The following EXOC2 variants were observed in gnomAD, a reference collection of about 807,000 sequenced individuals.
EXOC2 encodes the protein SEC5-like 1.
EXOC2 carries 70 observed loss-of-function variants against 131.8 expected under a neutral mutation model. The observed-to-expected ratio is 0.53, with a 90% CI of 0.44 to 0.65. The LOEUF (loss-of-function observed/expected upper bound fraction) is 0.65, where lower values mean the gene tolerates loss of function less well. EXOC2 is among the 30% of genes least tolerant of loss of function. EXOC2 has a pLI of 0.00. For synonymous variants in EXOC2, 411 were observed against 398.4 expected, an observed-to-expected ratio of 1.03 and a Z score of -0.38; for missense variants, 923 against 1,108.6, an observed-to-expected ratio of 0.83 and a Z score of 2.38.
intron 1 of EXOC2, chr6:656,043 T>A: frequency 1.6e-6 from 2 of 1,220,368 alleles, no homozygotes; most frequent in South Asian, 1.4e-5. Context: ...CCCAATTAAC[T>A]CAGGGTCTGT....
In EXOC2 at chr6:677,081, A is replaced by G. The variant is rs9504726; in HGVS notation, c.-44+15938T>C. Among the ~76,000 whole-genome samples, 155 of 57,690 alleles carry G rather than the reference A, an allele frequency of 2.7e-3. 21 individuals carry two copies. Among genetic ancestry groups the G allele is most frequent in the East Asian group, 0.012 (1 of 84 alleles). 37.8% of individuals were successfully genotyped at this position (57,690 alleles called of 152,430 possible). A position where few individuals can be genotyped will look rare whatever the true frequency, so the allele number is the denominator to read the frequency against. On this transcript the variant is annotated intron_variant, in intron 1 of 27. Transcript: ENST00000230449. ...ACTCTGCGGTTCCCCATACTCTTCA[A>G]CATTACGGAAAGGACAGCTTTCTCT... is the stretch of plus-strand genomic sequence containing the variant.
intron 12 of EXOC2, among the ~76,000 whole-genome samples, chr6:573,860 C>G (rs1393587521): frequency 6.6e-6 from 1 of 152,306 alleles, no homozygotes; most frequent in Middle Eastern, 3.4e-3. Flanking sequence ...ACCACTGTCA[C>G]TAGTTATTGT....
chr6:530,103 C>T (rs1765991128), intron 23 of EXOC2, among the ~76,000 whole-genome samples: 1 of 152,208 alleles, frequency 6.6e-6, no homozygotes, highest in South Asian at 2.1e-4. Context: ...AATGAGCACT[C>T]TCACTCATTC....
At chr6:584,244 C>A (rs988873457) in intron 11 of EXOC2, among the ~76,000 whole-genome samples, 1 of 152,090 alleles carries the variant, frequency 6.6e-6, no homozygotes, top group Admixed American at 6.5e-5. Flanking sequence ...GGAAGTCTAC[C>A]TGACCCTGCA....
intron 27 of EXOC2, 28 bp downstream of exon 27, chr6:488,951 G>T (rs1763259004): frequency 3.7e-6 from 6 of 1,602,176 alleles, no homozygotes; most frequent in Non-Finnish European, 5.1e-6. Flanking sequence ...CATTCAACTG[G>T]CTCCTAAGAA....
intron 4 of EXOC2, among the ~76,000 whole-genome samples, chr6:622,449 G>A (rs1420823938): frequency 1.3e-5 from 2 of 152,218 alleles, no homozygotes; most frequent in Non-Finnish European, 2.9e-5. Flanking sequence ...GTGCTGCGCT[G>A]TGCCTCGGTG....
chr6:677,506 T>C (rs1429582174), intron 1 of EXOC2, among the ~76,000 whole-genome samples: 1 of 152,216 alleles, frequency 6.6e-6, no homozygotes, highest in African/African-American at 2.4e-5. Context: ...AAGCAAACAT[T>C]GATGACTTAT....
chr6:536,907 T>C (rs1370440222), intron 22 of EXOC2, among the ~76,000 whole-genome samples: 3 of 152,152 alleles, frequency 2.0e-5, no homozygotes, highest in African/African-American at 4.8e-5. Flanking sequence ...TATGTATGCA[T>C]GACAAAGGAC....
chr6:648,236 ATAC>A (rs1367036839), intron 1 of EXOC2, among the ~76,000 whole-genome samples: 19 of 152,238 alleles, frequency 1.2e-4, no homozygotes, highest in Admixed American at 9.8e-4. Flanking sequence ...AGTTAAAAAC[ATAC>A]TACAAGATAG....
chr6:579,439 A>G (rs544851218), intron 11 of EXOC2, among the ~76,000 whole-genome samples: 1 of 152,362 alleles, frequency 6.6e-6, no homozygotes, highest in East Asian at 1.9e-4. Flanking sequence ...TACCAGAAGT[A>G]TAACACAGCA....
intron 21 of EXOC2, among the ~76,000 whole-genome samples, chr6:551,715 A>G (rs991349581): frequency 6.6e-6 from 1 of 152,188 alleles, no homozygotes; most frequent in African/African-American, 2.4e-5. Context: ...CTGTCTCCAC[A>G]GGACTCCCCT....
intron 1 of EXOC2, among the ~76,000 whole-genome samples, chr6:681,431 G>C (rs1447640641): frequency 6.6e-6 from 1 of 152,148 alleles, no homozygotes; most frequent in Non-Finnish European, 1.5e-5. Flanking sequence ...CTAATTTGTA[G>C]GTGCAGATCT....
At chr6:556,036 A>G (rs1231251727) in intron 18 of EXOC2, 23 bp from the exon 19 acceptor site, 1 of 1,610,456 alleles carries the variant, frequency 6.2e-7, no homozygotes, top group Non-Finnish European at 8.5e-7. Flanking sequence ...ATTTTGATGA[A>G]AATTTTTGGA....
chr6:560,687 C>A (rs1408876614), intron 17 of EXOC2, among the ~76,000 whole-genome samples: 2 of 151,884 alleles, frequency 1.3e-5, no homozygotes, highest in Admixed American at 1.3e-4. Flanking sequence ...CGAATAGAAA[C>A]CCAATCGATT....
intron 1 of EXOC2, among the ~76,000 whole-genome samples, chr6:677,710 G>A (rs569059544): frequency 9.9e-5 from 15 of 152,156 alleles, no homozygotes; most frequent in African/African-American, 2.6e-4. Flanking sequence ...CTTGTGATCC[G>A]CTTGCCTCGG....
chr6:517,347 A>G (rs1286975811), intron 23 of EXOC2, among the ~76,000 whole-genome samples: 2 of 152,198 alleles, frequency 1.3e-5, no homozygotes, highest in African/African-American at 4.8e-5. Context: ...TAAATTAAAA[A>G]AAAATCAACT....
chr6:497,418 G>C lies in EXOC2; in HGVS notation c.2508C>G (p.Leu836=). 1 of 1,614,054 alleles carries C rather than the reference G, an allele frequency of 6.2e-7. No individual in the cohort carries two copies. The highest frequency in any genetic ancestry group is 1.3e-5 in the African/African-American group (1 of 75,050). The change falls in exon 25 of 28, where the codon CTC becomes CTG. Residue 836 remains leucine, a synonymous_variant. Coordinates refer to ENST00000230449, the MANE Select transcript of EXOC2 (RefSeq NM_018303.6). ...ATGAAACACACTGCATCAGTCGACT[G>C]AGCTCTTCAGAAACTGCTTCTATCA... is the stretch of plus-strand genomic sequence containing the variant. ...SKVIEAVSEE[L]SRLMQCVSSF... is the part of the protein sequence containing the mutation.
intron 4 of EXOC2, among the ~76,000 whole-genome samples, chr6:620,365 T>C (rs1761222501): frequency 6.6e-6 from 1 of 152,172 alleles, no homozygotes; most frequent in Non-Finnish European, 1.5e-5. Flanking sequence ...ACTCTAGGCA[T>C]GAAACCTGAC....
Position 604,960 on chromosome 6 carries a change from G to A in EXOC2, c.742+5138C>T, listed in dbSNP as rs532222845. Among the ~76,000 whole-genome samples, 4 of 152,004 alleles carry A rather than the reference G, an allele frequency of 2.6e-5. No individual in the cohort carries two copies. In the South Asian group the frequency reaches 8.3e-4, roughly 32 times the overall value. ...TTTGTGGGCTGTAGCCACACCTGAG[G>A]ACTCCCACCAGAGCAGTATTATCAA... On this transcript the variant is annotated intron_variant, in intron 7 of 27. Coordinates refer to ENST00000230449, the MANE Select transcript of EXOC2 (RefSeq NM_018303.6).
Sources: gnomAD v4.1 joint callset for allele counts (sites outside exome capture counted in the v4.1 genomes callset) on GRCh38, gnomAD v4.1.1 for gene constraint, MANE v1.5 for transcripts, NCBI Gene and HGNC (gene_info 2026-07-23, HGNC 2026-07-21) for gene names.